Variants in RANBP17 observed in about 807,000 individuals in gnomAD.
RANBP17 encodes RAN binding protein 17.
In RANBP17, 158 loss-of-function variants were observed where a neutral mutation model predicts 141.2. The ratio of observed to expected loss-of-function variants is 1.12; its 90% CI spans 0.98 to 1.28. The LOEUF (loss-of-function observed/expected upper bound fraction) is 1.28, where lower values mean the gene tolerates loss of function less well. Among genes scored for constraint, RANBP17 ranks in the 50% most tolerant of loss-of-function variants. The pLI is 0.00. For synonymous variants in RANBP17, 430 were observed against 450.0 expected, an observed-to-expected ratio of 0.96 and a Z score of 0.56; for missense variants, 1,438 against 1,290.7, an observed-to-expected ratio of 1.11 and a Z score of -1.75.
intron 25 of RANBP17, among the ~76,000 whole-genome samples, chr5:171,283,848 G>A (rs1004614999): frequency 3.3e-5 from 5 of 152,138 alleles, no homozygotes; most frequent in Non-Finnish European, 5.9e-5. Context: ...CTCTTTCTCC[G>A]CATCTCTGTT....
intron 14 of RANBP17, among the ~76,000 whole-genome samples, chr5:171,137,296 A>C (rs1757351552): frequency 6.6e-6 from 1 of 152,184 alleles, no homozygotes; most frequent in African/African-American, 2.4e-5. Flanking sequence ...ATAGTAACTG[A>C]GTCACCAGTG....
rs753877803 is a variant in RANBP17, at chr5:171,205,497, A to G, written c.2143-27A>G. ...CTGCTCTGCGCTAACGTGAAAATCA[A>G]TTACTGTGTCTCTTTCCCACTGACA... On this transcript the variant is annotated intron_variant, in intron 19 of 27. Transcript: ENST00000523189. The G allele has an allele frequency of 6.3e-6, 10 of 1,598,090 alleles. No individual in the cohort carries two copies. The Admixed American group carries it at 6.7e-5, about 11-fold the overall frequency.
intron 14 of RANBP17, among the ~76,000 whole-genome samples, chr5:171,090,655 A>G (rs1238344710): frequency 8.7e-5 from 2 of 22,996 alleles, no homozygotes; most frequent in Admixed American, 5.6e-4. Context: ...GTTTAGGAGA[A>G]AAAAAAAAAT....
At chr5:171,284,918 T>C (rs1332880347) in intron 25 of RANBP17, among the ~76,000 whole-genome samples, 2 of 152,216 alleles carry the variant, frequency 1.3e-5, no homozygotes, top group Non-Finnish European at 2.9e-5. Context: ...GAAAATTCTT[T>C]GAAGGCTACC....
chr5:171,130,023 T>G (rs1175977548), intron 14 of RANBP17, among the ~76,000 whole-genome samples: 25 of 152,042 alleles, frequency 1.6e-4, no homozygotes, highest in Admixed American at 6.5e-5. Flanking sequence ...AGGGCTCTAC[T>G]TTTTAAAAGG....
At chr5:171,013,798 T>C (rs1420172624) in intron 14 of RANBP17, among the ~76,000 whole-genome samples, 3 of 152,138 alleles carry the variant, frequency 2.0e-5, no homozygotes, top group Non-Finnish European at 4.4e-5. Context: ...CTACAAAAAA[T>C]AGAAGAGTAT....
At chr5:171,001,821 C>A (rs184250176) in intron 14 of RANBP17, among the ~76,000 whole-genome samples, 1 of 152,130 alleles carries the variant, frequency 6.6e-6, no homozygotes, top group Non-Finnish European at 1.5e-5. Flanking sequence ...GAAGGCAAAA[C>A]CGAGGAATTA....
intron 14 of RANBP17, among the ~76,000 whole-genome samples, chr5:171,138,020 T>C (rs912667631): frequency 7.9e-5 from 12 of 151,642 alleles, no homozygotes; most frequent in Non-Finnish European, 1.5e-4. Flanking sequence ...CCTGACTCCA[T>C]CACTAAGTAT....
At chr5:171,214,409 A>G (rs959884876) in intron 21 of RANBP17, among the ~76,000 whole-genome samples, 1 of 152,224 alleles carries the variant, frequency 6.6e-6, no homozygotes, top group East Asian at 1.9e-4. Flanking sequence ...AAATCTGGCA[A>G]TAAGCTAATT....
At chr5:170,934,115 A>G (rs890055151) in intron 12 of RANBP17, among the ~76,000 whole-genome samples, 6 of 152,200 alleles carry the variant, frequency 3.9e-5, no homozygotes, top group Admixed American at 6.5e-5. Context: ...GGGTGCATAT[A>G]TATTTAGGAT....
At chr5:170,975,820 A>G (rs1777327488) in intron 14 of RANBP17, among the ~76,000 whole-genome samples, 2 of 143,904 alleles carry the variant, frequency 1.4e-5, no homozygotes, top group South Asian at 2.5e-4. Context: ...TAGGGTCTTA[A>G]TATAGATGTA....
At chr5:171,252,513 A>G in intron 24 of RANBP17, 1 of 1,435,776 alleles carries the variant, frequency 7.0e-7, no homozygotes, top group Non-Finnish European at 9.8e-7. Context: ...ATTACTGTGA[A>G]GAGTGTCGCA....
intron 14 of RANBP17, among the ~76,000 whole-genome samples, chr5:171,080,873 A>G (rs565117443): frequency 6.6e-6 from 1 of 152,340 alleles, no homozygotes; most frequent in African/African-American, 2.4e-5. Context: ...GCATTTTTGT[A>G]TGAAAAGAGA....
intron 13 of RANBP17, among the ~76,000 whole-genome samples, chr5:170,959,952 C>G (rs1001998969): frequency 3.3e-5 from 5 of 152,126 alleles, no homozygotes; most frequent in African/African-American, 9.7e-5. Flanking sequence ...CTGTCTTGTT[C>G]AAGGGCAAAC....
At chr5:170,924,334 G>A in intron 11 of RANBP17, 23 bp from the exon 12 acceptor site, 2 of 1,504,944 alleles carry the variant, frequency 1.3e-6, no homozygotes, top group Non-Finnish European at 1.8e-6. Flanking sequence ...AATGTTGTCT[G>A]CAAACTTATT....
rs772236791 is a variant in RANBP17 at position 171,199,761 on chromosome 5, A to G, written c.2130A>G (p.Gln710=). Residue 710 remains glutamine (Q), a synonymous_variant, in exon 19 of 28, where the codon CAA becomes CAG. Transcript: ENST00000523189. ...AAATATTCAACAACAACTTTAAACA[A>G]GAAGATGTAAAGGTGGGTTTGTTTC... ...VLQIFNNNFK[Q]EDVKRMLIGL... The G allele has an allele frequency of 2.1e-5, 33 of 1,595,364 alleles. No individual in the cohort carries two copies. Among genetic ancestry groups the G allele is most frequent in the Admixed American group, 1.2e-4 (7 of 59,270 alleles).
intron 12 of RANBP17, among the ~76,000 whole-genome samples, chr5:170,938,552 C>T (rs571385002): frequency 5.9e-5 from 9 of 151,952 alleles, no homozygotes; most frequent in South Asian, 4.2e-4. Context: ...CAATTATGTG[C>T]GAAATAGTTA....
chr5:171,182,884 T>C (rs1760953628), intron 16 of RANBP17, among the ~76,000 whole-genome samples: 1 of 152,204 alleles, frequency 6.6e-6, no homozygotes, highest in African/African-American at 2.4e-5. Flanking sequence ...GTTTTAATTT[T>C]CCACTATCAA....
At chr5:171,027,205 A>G (rs1781288928) in intron 14 of RANBP17, among the ~76,000 whole-genome samples, 2 of 152,212 alleles carry the variant, frequency 1.3e-5, no homozygotes. Flanking sequence ...TGAATTTATC[A>G]CATAAAATCA....
Sources: allele counts gnomAD v4.1 joint callset (sites outside exome capture counted in the v4.1 genomes callset), GRCh38; gene constraint gnomAD v4.1.1; transcripts MANE v1.5; gene names NCBI Gene and HGNC (gene_info 2026-07-23, HGNC 2026-07-21).